MAGI2: variants seen among roughly 807,000 people sequenced by gnomAD.
MAGI2 encodes the protein membrane associated guanylate kinase, WW and PDZ domain containing 2.
MAGI2 carries 35 observed loss-of-function variants against 133.3 expected under a neutral mutation model. The ratio of observed to expected loss-of-function variants is 0.26; its 90% CI spans 0.20 to 0.35. The LOEUF is 0.35. Ranked by LOEUF, MAGI2 falls within the 10% of genes least tolerant of loss-of-function variation. The probability of loss-of-function intolerance (pLI) is 1.00; values close to 1 mark genes in which losing one functional copy is unlikely to be tolerated. For synonymous variants in MAGI2, 729 were observed against 710.6 expected, an observed-to-expected ratio of 1.03 and a Z score of -0.41; for missense variants, 1,636 against 1,863.4, an observed-to-expected ratio of 0.88 and a Z score of 2.25.
At chr7:78,020,003 C>T (rs1450688629) in intron 21 of MAGI2, 27 bp from the exon 22 acceptor site, 7 of 1,570,710 alleles carry the variant, frequency 4.5e-6, no homozygotes, top group Non-Finnish European at 4.3e-6. Flanking sequence ...CAGGCGTTAG[C>T]AGTGGCGCAC....
chr7:78,399,195 A>G (rs1451481171), intron 6 of MAGI2, among the ~76,000 whole-genome samples: 1 of 152,192 alleles, frequency 6.6e-6, no homozygotes, highest in African/African-American at 2.4e-5. Context: ...GTGAAAAAAC[A>G]TTCTAAAACG....
At chr7:79,220,974 A>C (rs1312325648) in intron 1 of MAGI2, among the ~76,000 whole-genome samples, 1 of 152,052 alleles carries the variant, frequency 6.6e-6, no homozygotes, top group Admixed American at 6.5e-5. Context: ...ATTCACCACC[A>C]GTAAACGGGG....
At chr7:79,219,196 A>G (rs531837225) in intron 1 of MAGI2, among the ~76,000 whole-genome samples, 1 of 152,180 alleles carries the variant, frequency 6.6e-6, no homozygotes, top group African/African-American at 2.4e-5. Flanking sequence ...GCCAAAAGCA[A>G]TGGTTCTAGT....
chr7:78,236,509 G>A (rs1284587160), intron 10 of MAGI2, among the ~76,000 whole-genome samples: 1 of 152,098 alleles, frequency 6.6e-6, no homozygotes, highest in Non-Finnish European at 1.5e-5. Context: ...TACAGTCCTT[G>A]TTCTTGAGGG....
intron 1 of MAGI2, among the ~76,000 whole-genome samples, chr7:79,216,372 T>G (rs1255257718): frequency 6.6e-6 from 1 of 151,834 alleles, no homozygotes; most frequent in Non-Finnish European, 1.5e-5. Flanking sequence ...GTGACCTGAT[T>G]TTTCCTGGAT....
chr7:78,367,852 G>A (rs1793539190), intron 7 of MAGI2, among the ~76,000 whole-genome samples: 1 of 152,082 alleles, frequency 6.6e-6, no homozygotes, highest in African/African-American at 2.4e-5. Context: ...AAACATGTAG[G>A]TACTTTAATT....
chr7:79,091,423 T>C (rs888337592), intron 1 of MAGI2, among the ~76,000 whole-genome samples: 5 of 152,174 alleles, frequency 3.3e-5, no homozygotes, highest in African/African-American at 7.2e-5. Context: ...TTGATGCATA[T>C]TATTTCTGAG....
intron 1 of MAGI2, among the ~76,000 whole-genome samples, chr7:79,403,436 T>G (rs1845602398): frequency 6.6e-6 from 1 of 151,760 alleles, no homozygotes; most frequent in Admixed American, 6.6e-5. Flanking sequence ...CTTTCTTGCT[T>G]TTTTTTTAAA....
chr7:78,645,276 A>G (rs1008068972), intron 2 of MAGI2, among the ~76,000 whole-genome samples: 2 of 152,216 alleles, frequency 1.3e-5, no homozygotes, highest in Non-Finnish European at 2.9e-5. Context: ...CAGAAATCTG[A>G]AAAAGAAGCA....
At chr7:78,304,873 A>G in intron 9 of MAGI2, among the ~76,000 whole-genome samples, 1 of 152,268 alleles carries the variant, frequency 6.6e-6, no homozygotes, top group Non-Finnish European at 1.5e-5. Flanking sequence ...GGTGGAGGGA[A>G]CAAGTGCAAA....
At chr7:79,030,487 G>A (rs1475361107) in intron 1 of MAGI2, 8 of 152,148 alleles carry the variant, frequency 5.3e-5, no homozygotes, top group Admixed American at 5.2e-4. Flanking sequence ...CAGACCACAG[G>A]GACGTAGTTC....
intron 2 of MAGI2, among the ~76,000 whole-genome samples, chr7:78,816,850 T>C (rs977683494): frequency 2.0e-5 from 3 of 152,184 alleles, no homozygotes; most frequent in African/African-American, 7.2e-5. Context: ...GCCAAGACAA[T>C]ATCCATTCTG....
chr7:78,423,971 G>A (rs1799040049), intron 6 of MAGI2, among the ~76,000 whole-genome samples: 1 of 152,188 alleles, frequency 6.6e-6, no homozygotes, highest in African/African-American at 2.4e-5. Flanking sequence ...ATTTTCTGAG[G>A]CGAAATTGAA....
chr7:79,367,492 A>G (rs1842775276), intron 1 of MAGI2, among the ~76,000 whole-genome samples: 1 of 152,136 alleles, frequency 6.6e-6, no homozygotes, highest in South Asian at 2.1e-4. Flanking sequence ...AACCAGAAAG[A>G]CCTGGCTTCA....
chr7:78,495,845 G>C (rs1027136631), intron 5 of MAGI2, among the ~76,000 whole-genome samples: 1 of 151,998 alleles, frequency 6.6e-6, no homozygotes, highest in African/African-American at 2.4e-5. Flanking sequence ...TTTATTTTCT[G>C]TCTGGAAATT....
intron 2 of MAGI2, among the ~76,000 whole-genome samples, chr7:78,673,141 T>C (rs1012450062): frequency 2.6e-5 from 4 of 152,150 alleles, no homozygotes; most frequent in Non-Finnish European, 5.9e-5. Flanking sequence ...TGTTTCTTAT[T>C]TCATTCCTTC....
At position 78,775,285 on chromosome 7, in the gene MAGI2, C is replaced by A. The variant is rs532662924; in HGVS notation, c.419-148046G>T. 1.3e-4 allele frequency among the ~76,000 whole-genome samples: 17 copies of A among 128,122 alleles called. No homozygotes were observed. In the East Asian group the frequency reaches 3.9e-3, roughly 29 times the overall value. The allele number at this position is 128,122 out of a possible 152,430, so 84.1% of individuals were successfully genotyped here. A position where few individuals can be genotyped will look rare whatever the true frequency, so the allele number is the denominator to read the frequency against. On this transcript the variant is annotated intron_variant, in intron 2 of 21. Coordinates refer to ENST00000354212, the MANE Select transcript of MAGI2 (RefSeq NM_012301.4). ...CCCAGATTGTGCCATTGCACTCCAG[C>A]CTGGGCGACAGAGCGAGACTCTGTC...
chr7:78,100,980 A>G (rs866502360), intron 20 of MAGI2, among the ~76,000 whole-genome samples: 29 of 66,074 alleles, frequency 4.4e-4, no homozygotes, highest in African/African-American at 3.9e-3. Flanking sequence ...AATACTTAGA[A>G]AAAAAAAAGT....
chr7:79,128,977 T>A (rs538368146), intron 1 of MAGI2, among the ~76,000 whole-genome samples: 1 of 152,284 alleles, frequency 6.6e-6, no homozygotes, highest in East Asian at 1.9e-4. Flanking sequence ...TTCCAGCGCT[T>A]CTTCCACCTC....
Sources: gnomAD v4.1 joint callset for allele counts (sites outside exome capture counted in the v4.1 genomes callset) on GRCh38, gnomAD v4.1.1 for gene constraint, MANE v1.5 for transcripts, NCBI Gene and HGNC (gene_info 2026-07-23, HGNC 2026-07-21) for gene names.